The following BCORL1 variants were observed in gnomAD, a reference collection of about 807,000 sequenced individuals.
BCORL1 encodes the protein BCL6 corepressor like 1.
A neutral mutation model predicts 87.6 loss-of-function variants in BCORL1; 7 were observed. That is an observed-to-expected ratio of 0.08 (90% CI 0.05 to 0.15). The LOEUF (loss-of-function observed/expected upper bound fraction) is 0.15. Ranked by LOEUF, BCORL1 falls within the 10% of genes least tolerant of loss-of-function variation. The pLI, the probability that BCORL1 is intolerant of heterozygous loss-of-function variation, is 1.00. For synonymous variants in BCORL1, 591 were observed against 634.4 expected (o/e 0.93, Z 1.03); for missense variants, 1,215 against 1,499.7 (o/e 0.81, Z 3.13).
At chrX:130,044,137 C>G (rs189278136) in intron 11 of BCORL1, among the ~76,000 whole-genome samples, 23 of 108,552 alleles carry the variant, frequency 2.1e-4, no homozygotes, top group Non-Finnish European at 1.3e-4. Flanking sequence ...TCTCTTGACT[C>G]TCGTGATCTA....
In BCORL1 at chrX:130,056,739, C is replaced by T. The variant is rs1481881836; in HGVS notation, c.*603C>T. ...AAGCTATTCCCTGGTGTTTTTTTCC[C>T]CCACTGGGGAGGGGGTGAGGTGGAA... On this transcript the variant is annotated 3_prime_UTR_variant, in exon 14 of 14. Coordinates refer to ENST00000540052, the MANE Select transcript of BCORL1 (RefSeq NM_001379451.1). 2 of 110,834 alleles carry T rather than the reference C, an allele frequency of 1.8e-5. No homozygotes were observed. Among genetic ancestry groups the T allele is most frequent in the Admixed American group, 9.6e-5 (1 of 10,438 alleles). The allele number at this position is 110,834 out of a possible 1,213,427, so 9.1% of individuals were successfully genotyped here. A position where few individuals can be genotyped will look rare whatever the true frequency, so the allele number is the denominator to read the frequency against.
At chrX:130,043,771 TA>T (rs1931524089) in intron 11 of BCORL1, among the ~76,000 whole-genome samples, 5 of 21,586 alleles carry the variant, frequency 2.3e-4, no homozygotes, top group African/African-American at 1.5e-3. Flanking sequence ...TATATATATA[TA>T]TATATATATA....
chrX:130,041,933 A>C (rs1342500498), intron 11 of BCORL1, among the ~76,000 whole-genome samples: 2 of 110,053 alleles, frequency 1.8e-5, no homozygotes, highest in Non-Finnish European at 3.8e-5. Flanking sequence ...GGCCCCAGAG[A>C]AGACTTTTCT....
chrX:130,043,784 ATTTTT>A (rs1163098654), intron 11 of BCORL1, among the ~76,000 whole-genome samples: 83 of 15,915 alleles, frequency 5.2e-3, no homozygotes, highest in East Asian at 7.8e-3. Flanking sequence ...ATATATATAT[ATTTTT>A]TTTTTTTTTT....
At chrX:129,986,181 G>T (rs1926603522) in intron 1 of BCORL1, among the ~76,000 whole-genome samples, 1 of 111,900 alleles carries the variant, frequency 8.9e-6, no homozygotes, top group Middle Eastern at 4.6e-3. Flanking sequence ...AGTTCAGGAG[G>T]ATTTTTAAAA....
intron 11 of BCORL1, among the ~76,000 whole-genome samples, chrX:130,046,753 A>G (rs184678636): frequency 0.011 from 1,163 of 110,664 alleles, 10 homozygotes; most frequent in Non-Finnish European, 0.016. Flanking sequence ...TCACCGTGTT[A>G]GCCAGGATGG....
Position 130,024,255 on chromosome X carries a change from C to T in BCORL1, c.3689-735C>T, listed in dbSNP as rs544587887. Among the ~76,000 whole-genome samples the T allele has an allele frequency of 9.9e-5, 11 of 110,653 alleles. No homozygotes were observed. The South Asian group carries it at 2.3e-3, about 23-fold the overall frequency. Reference sequence around the variant, plus strand: ...GGAGGAGGGGGAAGCGCTTGCCCAGCGGTGAGGAACAGCTACAACCGGGTG... The same window carrying T: ...GGAGGAGGGGGAAGCGCTTGCCCAGTGGTGAGGAACAGCTACAACCGGGTG... On this transcript the variant is annotated intron_variant, in intron 6 of 13. Coordinates refer to ENST00000540052, the MANE Select transcript of BCORL1 (RefSeq NM_001379451.1).
In BCORL1 at chrX:130,005,284, A is replaced by G. The variant is rs1322689417; in HGVS notation, c.53A>G (p.Asp18Gly). 8.3e-7 allele frequency: 1 copy of G among 1,210,069 alleles called. No individual in the cohort carries two copies. The highest frequency in any genetic ancestry group is 1.7e-5 in the African/African-American group (1 of 57,225). ...GGCGTGCACAACTGGACCAGTTCTG[A>G]CCGGATTCGCATGTGTGGCATCAAC... ...YSGVHNWTSSDRIRMCGINEE... is the reference protein window; with the variant it reads ...YSGVHNWTSSGRIRMCGINEE... Residue 18 changes from aspartate (D) to glycine (G), a missense_variant, in exon 2 of 14, where the codon GAC (aspartate) becomes GGC (glycine). Coordinates refer to ENST00000540052, the MANE Select transcript of BCORL1 (RefSeq NM_001379451.1).
In BCORL1 at chrX:130,012,987, G is replaced by A; in HGVS notation, c.215G>A (p.Arg72Gln). 4.2e-6 allele frequency: 5 copies of A among 1,202,055 alleles called. No homozygotes were observed. Among genetic ancestry groups the A allele is most frequent in the Non-Finnish European group, 5.6e-6 (5 of 888,480 alleles). The stretch of plus-strand genomic sequence containing the variant: ...GCAGTTGGAAGTGGCAGCAATGCCC[G>A]GGGGGCAGACCCAGATGGCAGTGCT... ...LTAVGSGSNA[R>Q]GADPDGSATE... is the part of the protein sequence containing the mutation. The change falls in exon 4 of 14, where the codon CGG becomes CAG. Residue 72 changes from arginine (R) to glutamine (Q), a missense_variant. Arg to Gln is a conservative substitution (Grantham distance 43). Coordinates refer to ENST00000540052, the MANE Select transcript of BCORL1 (RefSeq NM_001379451.1).
At position 130,015,932 on chromosome X, in the gene BCORL1, G is replaced by A. The variant is rs2124454679; in HGVS notation, c.3160G>A (p.Val1054Met). The A allele has an allele frequency of 8.3e-7, 1 of 1,210,250 alleles. No individual in the cohort carries two copies. The highest frequency in any genetic ancestry group is 1.7e-5 in the African/African-American group (1 of 57,316). The change falls in exon 4 of 14, where the codon GTG (valine) becomes ATG (methionine). Residue 1054 changes from valine (V) to methionine (M), a missense_variant. Coordinates refer to ENST00000540052, the MANE Select transcript of BCORL1 (RefSeq NM_001379451.1). ...TCTGGGGCGAGTGAAAATGGAGAAG[G>A]TGGATGGTGATGTGGTCTTCAATTT... Reference protein sequence around the residue: ...VDLGRVKMEKVDGDVVFNLAT... With the variant: ...VDLGRVKMEKMDGDVVFNLAT...
intron 7 of BCORL1, among the ~76,000 whole-genome samples, chrX:130,025,722 G>A (rs1930207760): frequency 9.0e-6 from 1 of 110,812 alleles, no homozygotes. Context: ...CGAGTCTTTT[G>A]GGAGGACGGG....
At chrX:130,016,533 A>T (rs1173693808) in intron 4 of BCORL1, among the ~76,000 whole-genome samples, 2 of 111,548 alleles carry the variant, frequency 1.8e-5, no homozygotes, top group Non-Finnish European at 3.8e-5. Flanking sequence ...TTGGTGAGGG[A>T]AATCAATGAA....
intron 1 of BCORL1, among the ~76,000 whole-genome samples, chrX:129,984,306 G>T (rs1382745953): frequency 2.8e-5 from 3 of 105,398 alleles, no homozygotes; most frequent in Non-Finnish European, 5.9e-5. Flanking sequence ...CAGGCGGCGC[G>T]CGGTGGGGAG....
chrX:130,044,477 TC>T (rs1193851827), intron 11 of BCORL1, among the ~76,000 whole-genome samples: 1 of 110,421 alleles, frequency 9.1e-6, no homozygotes, highest in East Asian at 2.8e-4. Flanking sequence ...TGGAAAGTTG[TC>T]GGGGGAATCA....
intron 9 of BCORL1, among the ~76,000 whole-genome samples, chrX:130,036,329 C>T (rs113011477): frequency 0.054 from 5,841 of 109,051 alleles, 424 homozygotes; most frequent in African/African-American, 0.18. Flanking sequence ...GGTGCAATCT[C>T]GGCTCACTGC....
At chrX:130,009,837 G>A (rs949076335) in intron 2 of BCORL1, among the ~76,000 whole-genome samples, 4 of 110,860 alleles carry the variant, frequency 3.6e-5, no homozygotes, top group South Asian at 3.8e-4. Context: ...CCCTCCTGCC[G>A]CCCGCCTCCG....
intron 8 of BCORL1, among the ~76,000 whole-genome samples, chrX:130,033,444 T>C (rs1453554494): frequency 8.9e-6 from 1 of 112,229 alleles, no homozygotes; most frequent in Non-Finnish European, 1.9e-5. Flanking sequence ...TAGTTCATTA[T>C]CTCAAAGACC....
intron 1 of BCORL1, among the ~76,000 whole-genome samples, chrX:130,002,196 G>A (rs971442687): frequency 9.1e-6 from 1 of 110,156 alleles, no homozygotes; most frequent in Non-Finnish European, 1.9e-5. Flanking sequence ...TATGAGAACA[G>A]ATAATGAGTA....
chrX:130,043,784 A>ATTTTTTTTT (rs1163098654), intron 11 of BCORL1, among the ~76,000 whole-genome samples: 2 of 15,974 alleles, frequency 1.3e-4, no homozygotes, highest in African/African-American at 9.5e-4. Context: ...ATATATATAT[A>ATTTTTTTTT]TTTTTTTTTT....
Sources: allele counts gnomAD v4.1 joint callset (sites outside exome capture counted in the v4.1 genomes callset), GRCh38; gene constraint gnomAD v4.1.1; transcripts MANE v1.5; gene names NCBI Gene and HGNC (gene_info 2026-07-23, HGNC 2026-07-21).